GRK3: variants seen among roughly 807,000 people sequenced by gnomAD.
The protein encoded by GRK3 is adrenergic, beta, receptor kinase 2.
Under a neutral mutation model 95.7 loss-of-function variants are expected in GRK3, and 54 were observed. That is an observed-to-expected ratio of 0.56 (90% CI 0.45 to 0.71). The LOEUF is 0.71. Ranked by LOEUF, GRK3 falls within the 30% of genes least tolerant of loss-of-function variation. The pLI, the probability that GRK3 is intolerant of heterozygous loss-of-function variation, is 0.00. For synonymous variants in GRK3, 281 were observed against 290.8 expected (o/e 0.97, Z 0.34); for missense variants, 649 against 851.2 (o/e 0.76, Z 2.96).
intron 3 of GRK3, chr22:25,648,124 A>G: frequency 1.6e-6 from 1 of 608,470 alleles, no homozygotes; most frequent in African/African-American, 1.8e-5. Flanking sequence ...TCTAAAAAAC[A>G]AATAAGCAAA....
At chr22:25,639,802 G>A (rs1461178131) in intron 2 of GRK3, among the ~76,000 whole-genome samples, 6 of 152,252 alleles carry the variant, frequency 3.9e-5, no homozygotes, top group East Asian at 1.9e-4. Flanking sequence ...CATGAACTGA[G>A]TATGTATTTC....
chr22:25,582,900 C>T (rs111621106), intron 1 of GRK3, among the ~76,000 whole-genome samples: 26 of 152,248 alleles, frequency 1.7e-4, no homozygotes, highest in African/African-American at 6.0e-4. Context: ...AAACCCCAAA[C>T]CTGGAAACCA....
intron 19 of GRK3, among the ~76,000 whole-genome samples, chr22:25,720,265 A>C (rs1169400548): frequency 1.3e-5 from 2 of 152,214 alleles, no homozygotes; most frequent in Non-Finnish European, 2.9e-5. Flanking sequence ...TAAAAGGTTC[A>C]ACATTTAGTG....
At chr22:25,721,448 C>G in intron 20 of GRK3, 51 bp downstream of exon 20, 1 of 1,036,686 alleles carries the variant, frequency 9.6e-7, no homozygotes, top group Non-Finnish European at 1.5e-6. Context: ...AAATATTCAG[C>G]AAAGTTGACT....
At chr22:25,589,055 C>T (rs1475789117) in intron 1 of GRK3, among the ~76,000 whole-genome samples, 3 of 152,134 alleles carry the variant, frequency 2.0e-5, no homozygotes, top group African/African-American at 7.2e-5. Context: ...ATAGAGCCAC[C>T]AAGCCCACTC....
chr22:25,665,870 G>C (rs1354274448), intron 5 of GRK3, among the ~76,000 whole-genome samples: 1 of 152,178 alleles, frequency 6.6e-6, no homozygotes, highest in Admixed American at 6.5e-5. Context: ...ATTGCCTTTA[G>C]AGGTAAGTAA....
At chr22:25,686,018 G>A (rs924538459) in intron 10 of GRK3, among the ~76,000 whole-genome samples, 5 of 151,822 alleles carry the variant, frequency 3.3e-5, no homozygotes, top group Non-Finnish European at 7.4e-5. Context: ...TCAGGAGATC[G>A]AGACCATCCT....
chr22:25,613,505 C>T (rs1376626828), intron 2 of GRK3, among the ~76,000 whole-genome samples: 24 of 147,978 alleles, frequency 1.6e-4, no homozygotes, highest in African/African-American at 5.5e-4. Flanking sequence ...CTAAGCACAG[C>T]GAATTGGATT....
intron 1 of GRK3, among the ~76,000 whole-genome samples, chr22:25,597,672 T>G (rs1179219222): frequency 6.6e-6 from 1 of 152,180 alleles, no homozygotes; most frequent in East Asian, 1.9e-4. Context: ...GTTAAACTAC[T>G]GACCAACAAT....
At chr22:25,652,943 G>C (rs949206141) in intron 3 of GRK3, among the ~76,000 whole-genome samples, 4 of 152,074 alleles carry the variant, frequency 2.6e-5, no homozygotes, top group African/African-American at 9.7e-5. Flanking sequence ...ACGGCGTAGG[G>C]GTGTAGTAGG....
intron 3 of GRK3, chr22:25,649,188 T>A (rs2084809973): frequency 3.0e-6 from 4 of 1,344,654 alleles, no homozygotes; most frequent in Non-Finnish European, 3.2e-6. Flanking sequence ...CTTGGGAGAC[T>A]ACTTCACTGC....
At chr22:25,625,196 A>G (rs1211987863) in intron 2 of GRK3, among the ~76,000 whole-genome samples, 1 of 152,246 alleles carries the variant, frequency 6.6e-6, no homozygotes, top group East Asian at 1.9e-4. Context: ...ATAATAAAAT[A>G]TAAAACAAGA....
chr22:25,645,069 C>A (rs747630185), intron 3 of GRK3, among the ~76,000 whole-genome samples: 5 of 152,068 alleles, frequency 3.3e-5, no homozygotes, highest in Non-Finnish European at 5.9e-5. Flanking sequence ...AATGGACTGA[C>A]AAATTGGAGA....
At chr22:25,653,442 G>A (rs1248659771) in intron 3 of GRK3, among the ~76,000 whole-genome samples, 1 of 152,102 alleles carries the variant, frequency 6.6e-6, no homozygotes, top group Non-Finnish European at 1.5e-5. Flanking sequence ...TGATAACAGG[G>A]CCAATCCAAC....
At chr22:25,568,431 T>C (rs1931570087) in intron 1 of GRK3, among the ~76,000 whole-genome samples, 1 of 152,226 alleles carries the variant, frequency 6.6e-6, no homozygotes, top group African/African-American at 2.4e-5. Context: ...TACTGGACAT[T>C]TCAAATGTTG....
chr22:25,667,736 C>A lies in GRK3; in HGVS notation c.442-3C>A, dbSNP rs986683826. 1 of 1,605,940 alleles carries A rather than the reference C, an allele frequency of 6.2e-7. No individual in the cohort carries two copies. The highest frequency in any genetic ancestry group is 1.3e-5 in the African/African-American group (1 of 74,688). ...CGTGGAATTTCTTTTCCATCTCTTC[C>A]AGCCATACATAGAAGAAATTTGTGA... is the stretch of plus-strand genomic sequence containing the variant. On this transcript the variant is annotated splice_region_variant and splice_polypyrimidine_tract_variant and intron_variant, in intron 5 of 20. Transcript: ENST00000324198.
rs528615534 is a variant in GRK3, at chr22:25,687,498, A to G, written c.827-39A>G. ...TGACAATGATATTTGTTTCCTTTAAATTAACATGCTTTGAATTAAATTCTG... is the reference window on the plus strand; with the variant it reads ...TGACAATGATATTTGTTTCCTTTAAGTTAACATGCTTTGAATTAAATTCTG... On this transcript the variant is annotated intron_variant, in intron 10 of 20. Coordinates refer to ENST00000324198, the MANE Select transcript of GRK3 (RefSeq NM_005160.4). 27 of 1,606,370 alleles carry G rather than the reference A, an allele frequency of 1.7e-5. No individual in the cohort carries two copies. In the South Asian group the frequency reaches 3.0e-4, roughly 18 times the overall value.
intron 2 of GRK3, among the ~76,000 whole-genome samples, chr22:25,614,849 A>G (rs2084525967): frequency 6.6e-6 from 1 of 152,216 alleles, no homozygotes; most frequent in Non-Finnish European, 1.5e-5. Flanking sequence ...TCAATCAAAT[A>G]TATTTGAGTC....
intron 4 of GRK3, among the ~76,000 whole-genome samples, chr22:25,662,728 G>A (rs2084917492): frequency 6.6e-6 from 1 of 152,172 alleles, no homozygotes; most frequent in East Asian, 1.9e-4. Flanking sequence ...AACCCTTGAA[G>A]AATGCCAGAT....
Sources: gnomAD v4.1 joint callset for allele counts (sites outside exome capture counted in the v4.1 genomes callset) on GRCh38, gnomAD v4.1.1 for gene constraint, MANE v1.5 for transcripts, NCBI Gene and HGNC (gene_info 2026-07-23, HGNC 2026-07-21) for gene names.